The following GPC1 variants were observed in gnomAD, a reference collection of about 807,000 sequenced individuals.
GPC1 encodes glypican 1.
GPC1 carries 26 observed loss-of-function variants against 51.5 expected under a neutral mutation model. That is an observed-to-expected ratio of 0.50 (90% CI 0.37 to 0.70). GPC1 has a LOEUF of 0.70. Among genes scored for constraint, GPC1 ranks in the 30% least tolerant of loss-of-function variants. The pLI is 0.00. For missense variants in GPC1, 775 were observed against 800.5 expected, an observed-to-expected ratio of 0.97 and a Z score of 0.38; for synonymous variants, 380 against 348.3, an observed-to-expected ratio of 1.09 and a Z score of -1.01.
rs374517524 is a variant in GPC1 at position 240,459,207 on chromosome 2, C to T, written c.325+19C>T. The T allele has an allele frequency of 8.0e-5, 129 of 1,606,316 alleles. 1 individual carries two copies. Among genetic ancestry groups the T allele is most frequent in the South Asian group, 8.0e-4 (72 of 90,422 alleles). On this transcript the variant is annotated intron_variant, in intron 2 of 8. Coordinates refer to ENST00000264039, the MANE Select transcript of GPC1 (RefSeq NM_002081.3). Reference sequence around the variant, plus strand: ...TTCGATGGTGAGTGCCTCCCACGGGCGCTCGGGGCCCGCAGGGTGCCGGTG... The same window carrying T: ...TTCGATGGTGAGTGCCTCCCACGGGTGCTCGGGGCCCGCAGGGTGCCGGTG...
chr2:240,446,107 C>T (rs1426624523), intron 1 of GPC1, among the ~76,000 whole-genome samples: 1 of 152,260 alleles, frequency 6.6e-6, no homozygotes, highest in Non-Finnish European at 1.5e-5. Flanking sequence ...CAGCAAGTCG[C>T]CCTCGCAGCA....
chr2:240,449,789 G>A, intron 1 of GPC1: 1 of 465,224 alleles, frequency 2.1e-6, no homozygotes, highest in Non-Finnish European at 4.4e-6. Flanking sequence ...CCTCACATAA[G>A]TCGAGTCTTG....
At chr2:240,463,705 T>C (rs559085037) in intron 4 of GPC1, 193 bp downstream of exon 4, 153 of 582,322 alleles carry the variant, frequency 2.6e-4, no homozygotes, top group African/African-American at 2.6e-3. Flanking sequence ...CTGAGTGATG[T>C]GTGACTTGGG....
intron 1 of GPC1, among the ~76,000 whole-genome samples, chr2:240,441,865 G>A (rs1446448981): frequency 1.3e-5 from 2 of 152,206 alleles, no homozygotes; most frequent in Non-Finnish European, 2.9e-5. Flanking sequence ...GGTGTTGGGT[G>A]AGGGCTATGC....
chr2:240,447,051 C>G (rs2074055219), intron 1 of GPC1, among the ~76,000 whole-genome samples: 1 of 152,158 alleles, frequency 6.6e-6, no homozygotes, highest in Non-Finnish European at 1.5e-5. Context: ...GTCTGGCACC[C>G]AGGGATGCCC....
Position 240,459,052 on chromosome 2 carries a change from C to G in GPC1, c.189C>G (p.Pro63=), listed in dbSNP as rs906832572. Residue 63 remains proline, a synonymous_variant, in exon 2 of 9, where the codon CCC becomes CCG. Transcript: ENST00000264039. Reference sequence around the variant, plus strand: ...CAGGTGAGCACCTGCGGATCTGTCCCCAGGGCTACACCTGCTGCACCAGCG... The same window carrying G: ...CAGGTGAGCACCTGCGGATCTGTCCGCAGGGCTACACCTGCTGCACCAGCG... ...EISGEHLRIC[P]QGYTCCTSEM... 1 of 1,612,838 alleles carries G rather than the reference C, an allele frequency of 6.2e-7. No homozygotes were observed. The highest frequency in any genetic ancestry group is 8.5e-7 in the Non-Finnish European group (1 of 1,179,880).
chr2:240,441,584 G>A (rs559584275), intron 1 of GPC1, among the ~76,000 whole-genome samples: 5 of 152,334 alleles, frequency 3.3e-5, no homozygotes, highest in South Asian at 4.1e-4. Flanking sequence ...CTTGCCAGTC[G>A]CCAGCACAGC....
chr2:240,454,342 T>C (rs1460810391), intron 1 of GPC1, among the ~76,000 whole-genome samples: 2 of 152,124 alleles, frequency 1.3e-5, no homozygotes, highest in African/African-American at 4.8e-5. Context: ...GGGTCGTTTG[T>C]CCAGTGCACC....
At chr2:240,463,296 C>G in intron 3 of GPC1, 51 bp from the exon 4 acceptor site, 1 of 1,555,602 alleles carries the variant, frequency 6.4e-7, no homozygotes. Flanking sequence ...CTGGCCGGGG[C>G]CAGGCACCCC....
At chr2:240,460,941 G>A (rs1001638484) in intron 2 of GPC1, among the ~76,000 whole-genome samples, 1 of 152,154 alleles carries the variant, frequency 6.6e-6, no homozygotes, top group African/African-American at 2.4e-5. Flanking sequence ...GGGGAGCCTG[G>A]CTGGACCTCT....
chr2:240,450,071 T>A (rs541739302), intron 1 of GPC1: 11 of 349,494 alleles, frequency 3.1e-5, no homozygotes, highest in South Asian at 2.0e-4. Context: ...ACTTTCATAC[T>A]GTACTAAAAT....
intron 6 of GPC1, 39 bp from the exon 7 acceptor site, chr2:240,465,037 CG>C: frequency 6.3e-7 from 1 of 1,578,476 alleles, no homozygotes; most frequent in African/African-American, 1.3e-5. Flanking sequence ...CAGAGGCGGG[CG>C]GGCCCTGGCA....
intron 1 of GPC1, chr2:240,457,907 AC>A: frequency 8.3e-6 from 3 of 361,106 alleles, no homozygotes; most frequent in South Asian, 6.0e-5. Context: ...CCTGCTGACA[AC>A]GCCCCCCCTT....
intron 1 of GPC1, among the ~76,000 whole-genome samples, chr2:240,442,169 G>A (rs1040746652): frequency 4.0e-4 from 60 of 150,216 alleles, no homozygotes; most frequent in African/African-American, 2.8e-4. Flanking sequence ...CGCCTCCTCC[G>A]GCCTTTCCCC....
intron 1 of GPC1, among the ~76,000 whole-genome samples, chr2:240,443,704 C>T (rs916128240): frequency 6.6e-6 from 1 of 152,206 alleles, no homozygotes; most frequent in Non-Finnish European, 1.5e-5. Context: ...TTTGATGGGG[C>T]GCAGCCGGTG....
chr2:240,450,044 G>C (rs1013588961), intron 1 of GPC1: 2 of 382,052 alleles, frequency 5.2e-6, no homozygotes, highest in African/African-American at 4.2e-5. Context: ...CCTGCTTCCA[G>C]TTCTTTGGGG....
At chr2:240,451,363 C>A in intron 1 of GPC1, 1 of 423,312 alleles carries the variant, frequency 2.4e-6, no homozygotes, top group Non-Finnish European at 5.0e-6. Flanking sequence ...AGGGCCAGTC[C>A]ATCTTCCAGG....
intron 1 of GPC1, chr2:240,449,774 A>G (rs1334008302): frequency 2.2e-6 from 1 of 462,390 alleles, no homozygotes; most frequent in Non-Finnish European, 4.4e-6. Context: ...CGACTCCTCT[A>G]GGGACCTCAC....
intron 1 of GPC1, among the ~76,000 whole-genome samples, chr2:240,447,896 T>G (rs1396534092): frequency 6.6e-6 from 1 of 152,084 alleles, no homozygotes; most frequent in Non-Finnish European, 1.5e-5. Flanking sequence ...GGCCCCGTCA[T>G]TGTCACCGGC....
Sources: gnomAD v4.1 joint callset for allele counts (sites outside exome capture counted in the v4.1 genomes callset) on GRCh38, gnomAD v4.1.1 for gene constraint, MANE v1.5 for transcripts, NCBI Gene and HGNC (gene_info 2026-07-23, HGNC 2026-07-21) for gene names.